EPS15: variants seen among roughly 807,000 people sequenced by gnomAD.
EPS15 encodes epidermal growth factor receptor pathway substrate 15.
In EPS15, 72 loss-of-function variants were observed where a neutral mutation model predicts 113.8. The observed-to-expected ratio is 0.63, with a 90% CI of 0.52 to 0.77. The LOEUF (loss-of-function observed/expected upper bound fraction) is 0.77. EPS15 is among the 30% of genes least tolerant of loss of function. EPS15 has a pLI of 0.00. For synonymous variants in EPS15, 344 were observed against 363.4 expected (o/e 0.95, Z 0.61); for missense variants, 1,048 against 1,045.8 (o/e 1.00, Z -0.03).
At chr1:51,373,344 G>C (rs1646709908) in intron 21 of EPS15, 1 of 152,482 alleles carries the variant, frequency 6.6e-6, no homozygotes, top group Non-Finnish European at 1.5e-5. Context: ...GGTCACTCTT[G>C]AATGGATAGA....
intron 12 of EPS15, among the ~76,000 whole-genome samples, chr1:51,430,220 GTCT>G (rs1038342343): frequency 6.6e-6 from 1 of 152,138 alleles, no homozygotes; most frequent in Non-Finnish European, 1.5e-5. Context: ...TGATGAGAAA[GTCT>G]TCGTTTTTAA....
intron 5 of EPS15, among the ~76,000 whole-genome samples, chr1:51,466,930 T>G (rs1654883350): frequency 6.6e-6 from 1 of 152,128 alleles, no homozygotes. Flanking sequence ...GACAAAGAGT[T>G]AATGTCCTAA....
Position 51,355,713 on chromosome 1 carries a change from TAA to T in EPS15, c.*985_*986del, listed in dbSNP as rs35602175. 28 of 168,454 alleles carry T rather than the reference TAA, an allele frequency of 1.7e-4. No homozygotes were observed. Among genetic ancestry groups the T allele is most frequent in the South Asian group, 2.1e-4 (1 of 4,706 alleles). 10.4% of individuals were successfully genotyped at this position (168,454 alleles called of 1,614,324 possible). A position where few individuals can be genotyped will look rare whatever the true frequency, so the allele number is the denominator to read the frequency against. On this transcript the variant is annotated 3_prime_UTR_variant, in exon 25 of 25. Transcript: ENST00000371733. ...ACATTTCAAGTAAATGAGCCTTCAT[TAA>T]AAAAAAAAAAACAAATATATATGAA...
intron 1 of EPS15, among the ~76,000 whole-genome samples, chr1:51,517,956 C>T (rs923391258): frequency 2.6e-5 from 4 of 152,102 alleles, no homozygotes; most frequent in Non-Finnish European, 5.9e-5. Context: ...ACTCCACTGC[C>T]GAAATGTTTG....
chr1:51,508,234 A>AGAGAGAGAGAGAGAGAG (rs1557536346), intron 1 of EPS15, among the ~76,000 whole-genome samples: 93 of 95,032 alleles, frequency 9.8e-4, no homozygotes, highest in African/African-American at 2.8e-3. Context: ...AAAAGAAAAG[A>AGAGAGAGAGAGAGAGAG]AAAGAAAGAG....
intron 12 of EPS15, among the ~76,000 whole-genome samples, chr1:51,424,839 G>A (rs1003873209): frequency 6.6e-6 from 1 of 152,042 alleles, no homozygotes; most frequent in Non-Finnish European, 1.5e-5. Context: ...GAAGGCGGAA[G>A]CTGCAGTGAG....
At chr1:51,447,968 T>C in intron 9 of EPS15, 78 bp downstream of exon 9, 1 of 1,553,162 alleles carries the variant, frequency 6.4e-7, no homozygotes, top group Non-Finnish European at 8.7e-7. Flanking sequence ...GTAAAATGCC[T>C]ACAGATGGTA....
chr1:51,502,264 CAAAT>C (rs1644426662), intron 1 of EPS15, among the ~76,000 whole-genome samples: 1 of 152,100 alleles, frequency 6.6e-6, no homozygotes, highest in Non-Finnish European at 1.5e-5. Flanking sequence ...TTGTCTCAAA[CAAAT>C]AAATAAATGA....
intron 1 of EPS15, among the ~76,000 whole-genome samples, chr1:51,513,061 C>T (rs989249670): frequency 6.6e-5 from 10 of 151,934 alleles, no homozygotes; most frequent in East Asian, 1.9e-4. Flanking sequence ...GAACTCTTGG[C>T]TTCAATCAAT....
At chr1:51,413,509 G>GA (rs1649934606) in intron 13 of EPS15, among the ~76,000 whole-genome samples, 1 of 152,172 alleles carries the variant, frequency 6.6e-6, no homozygotes, top group Non-Finnish European at 1.5e-5. Flanking sequence ...GAGACTGACA[G>GA]AAAGAAAAGA....
intron 13 of EPS15, among the ~76,000 whole-genome samples, chr1:51,418,500 G>C (rs997306652): frequency 4.4e-4 from 67 of 152,026 alleles, no homozygotes; most frequent in African/African-American, 1.5e-3. Flanking sequence ...AGATAGGAAG[G>C]GGGGGAAAAT....
chr1:51,357,739 T>C (rs1052722797), intron 24 of EPS15, among the ~76,000 whole-genome samples: 2 of 147,416 alleles, frequency 1.4e-5, no homozygotes, highest in African/African-American at 2.5e-5. Flanking sequence ...TTAAACCTAA[T>C]CTTTTTTTTT....
intron 13 of EPS15, among the ~76,000 whole-genome samples, chr1:51,418,549 GTAGT>G (rs1416023233): frequency 6.6e-6 from 1 of 152,102 alleles, no homozygotes; most frequent in Non-Finnish European, 1.5e-5. Context: ...AAATAAGTTG[GTAGT>G]TAAAGTGGCA....
At chr1:51,390,075 C>T (rs1173560790) in intron 21 of EPS15, among the ~76,000 whole-genome samples, 2 of 152,134 alleles carry the variant, frequency 1.3e-5, no homozygotes, top group Admixed American at 6.5e-5. Context: ...TACTACAAGG[C>T]TACAGTAACC....
At chr1:51,508,722 T>C (rs1397166912) in intron 1 of EPS15, among the ~76,000 whole-genome samples, 6 of 152,200 alleles carry the variant, frequency 3.9e-5, no homozygotes, top group Admixed American at 2.6e-4. Context: ...TTTTGAAGTC[T>C]ATCCTTGAGT....
intron 8 of EPS15, among the ~76,000 whole-genome samples, chr1:51,456,890 A>G (rs1654036958): frequency 6.6e-6 from 1 of 152,198 alleles, no homozygotes; most frequent in East Asian, 1.9e-4. Context: ...ATTAATATTG[A>G]ACAAAACTGG....
intron 14 of EPS15, among the ~76,000 whole-genome samples, chr1:51,408,559 A>G (rs1274478227): frequency 6.6e-6 from 1 of 151,452 alleles, no homozygotes; most frequent in South Asian, 2.1e-4. Context: ...AGTAGCTGGG[A>G]CTATAGGAAC....
chr1:51,391,697 C>CT (rs1336936897), intron 21 of EPS15, among the ~76,000 whole-genome samples: 1 of 151,928 alleles, frequency 6.6e-6, no homozygotes, highest in Non-Finnish European at 1.5e-5. Context: ...CACTGTAAGG[C>CT]TTTTACTGGA....
At chr1:51,357,404 ATATATATATATATATATATATATTTT>A (rs1646252225) in intron 24 of EPS15, among the ~76,000 whole-genome samples, 1 of 52,570 alleles carries the variant, frequency 1.9e-5, no homozygotes, top group Non-Finnish European at 3.4e-5. Flanking sequence ...ATATATATAT[ATATATATATATATATATATATATTTT>A]TTTTTTTTAA....
Sources: allele counts gnomAD v4.1 joint callset (sites outside exome capture counted in the v4.1 genomes callset), GRCh38; gene constraint gnomAD v4.1.1; transcripts MANE v1.5; gene names NCBI Gene and HGNC (gene_info 2026-07-23, HGNC 2026-07-21).